The following BTRC variants were observed in gnomAD, a reference collection of about 807,000 sequenced individuals.
BTRC encodes beta-transducin repeat containing E3 ubiquitin protein ligase.
Under a neutral mutation model 85.5 loss-of-function variants are expected in BTRC, and 42 were observed. The ratio of observed to expected loss-of-function variants is 0.49; its 90% CI spans 0.38 to 0.64. The LOEUF (loss-of-function observed/expected upper bound fraction) is 0.64, where lower values mean the gene tolerates loss of function less well. Among genes scored for constraint, BTRC ranks in the 30% least tolerant of loss-of-function variants. The probability of loss-of-function intolerance (pLI) is 0.00; values close to 1 mark genes in which losing one functional copy is unlikely to be tolerated. For missense variants in BTRC, 594 were observed against 743.5 expected (o/e 0.80, Z 2.34); for synonymous variants, 255 against 263.3 (o/e 0.97, Z 0.30).
intron 2 of BTRC, among the ~76,000 whole-genome samples, chr10:101,440,600 T>C (rs1238461882): frequency 1.3e-5 from 2 of 152,080 alleles, no homozygotes; most frequent in East Asian, 3.9e-4. Context: ...TGCCAGTCTG[T>C]GGTCCCAGCT....
intron 1 of BTRC, among the ~76,000 whole-genome samples, chr10:101,366,431 G>T (rs987427894): frequency 3.9e-4 from 59 of 151,998 alleles, no homozygotes; most frequent in Non-Finnish European, 1.5e-4. Flanking sequence ...TTTGTTAAGT[G>T]CTAAAATAGT....
At chr10:101,509,502 C>T (rs1181096798) in intron 4 of BTRC, among the ~76,000 whole-genome samples, 1 of 149,752 alleles carries the variant, frequency 6.7e-6, no homozygotes, top group East Asian at 2.0e-4. Context: ...GATCCGCCCG[C>T]CTCGGCCTCC....
chr10:101,382,022 G>T (rs561907566), intron 1 of BTRC, among the ~76,000 whole-genome samples: 1 of 115,180 alleles, frequency 8.7e-6, no homozygotes, highest in East Asian at 3.0e-4. Context: ...TTGCTCTGTT[G>T]CCTAGGCTGG....
At chr10:101,549,713 C>CCAAAAAAAAAAAA (rs2062618078) in intron 13 of BTRC, among the ~76,000 whole-genome samples, 1 of 42,770 alleles carries the variant, frequency 2.3e-5, no homozygotes, top group Non-Finnish European at 3.6e-5. Flanking sequence ...GACTCTGTCT[C>CCAAAAAAAAAAAA]AAAAAAAAAA....
intron 2 of BTRC, among the ~76,000 whole-genome samples, chr10:101,442,683 A>G (rs11191015): frequency 0.14 from 20,928 of 152,184 alleles, 1,856 homozygotes; most frequent in Non-Finnish European, 0.2. Context: ...TTTGTCCTTC[A>G]GTGACATAAA....
At chr10:101,496,806 T>A (rs1946273537) in intron 4 of BTRC, among the ~76,000 whole-genome samples, 1 of 152,188 alleles carries the variant, frequency 6.6e-6, no homozygotes, top group South Asian at 2.1e-4. Context: ...TTCTTAAAGA[T>A]TTATAAGAGT....
intron 2 of BTRC, among the ~76,000 whole-genome samples, chr10:101,434,338 G>T (rs12261987): frequency 0.29 from 44,331 of 151,936 alleles, 7,562 homozygotes; most frequent in Middle Eastern, 0.46. Context: ...AAATCCATTG[G>T]TCTCAGTTTT....
At chr10:101,541,436 T>C (rs573825471) in intron 13 of BTRC, among the ~76,000 whole-genome samples, 2 of 152,180 alleles carry the variant, frequency 1.3e-5, no homozygotes, top group Non-Finnish European at 2.9e-5. Context: ...ATTTTTTGTA[T>C]TTTTTAGTAG....
intron 3 of BTRC, among the ~76,000 whole-genome samples, chr10:101,469,584 C>T (rs925721259): frequency 2.6e-5 from 4 of 152,128 alleles, no homozygotes; most frequent in African/African-American, 7.2e-5. Context: ...GGACAAACCT[C>T]TGTAAAAAAT....
At chr10:101,546,496 GTAAA>G (rs982565743) in intron 13 of BTRC, among the ~76,000 whole-genome samples, 41 of 152,014 alleles carry the variant, frequency 2.7e-4, no homozygotes, top group African/African-American at 9.9e-4. Flanking sequence ...GTATTTTGAA[GTAAA>G]TAAAAATGAA....
At position 101,538,310 on chromosome 10, in the gene BTRC, A is replaced by G; in HGVS notation, c.1595A>G (p.Asp532Gly). The G allele has an allele frequency of 6.2e-7, 1 of 1,613,994 alleles. No individual in the cohort carries two copies. The highest frequency in any genetic ancestry group is 8.5e-7 in the Non-Finnish European group (1 of 1,179,948). Residue 532 changes from aspartate to glycine, a missense_variant, in exon 13 of 15, where the codon GAT becomes GGT. Physicochemically the swap from Asp to Gly is moderately conservative, Grantham distance 94. Transcript: ENST00000370187. ...ATCTTTAGAAAAATTAAAGTGTGGGATCTTGTGGCTGCTTTGGACCCCCGT... is the reference window on the plus strand; with the variant it reads ...ATCTTTAGAAAAATTAAAGTGTGGGGTCTTGTGGCTGCTTTGGACCCCCGT... ...GAYDGKIKVW[D>G]LVAALDPRAP...
At chr10:101,420,324 C>A (rs1180213819) in intron 1 of BTRC, among the ~76,000 whole-genome samples, 1 of 152,038 alleles carries the variant, frequency 6.6e-6, no homozygotes, top group African/African-American at 2.4e-5. Context: ...TCTCTCGCTC[C>A]ATTTCTCACC....
chr10:101,396,875 T>A (rs1278111498), intron 1 of BTRC, among the ~76,000 whole-genome samples: 2 of 151,564 alleles, frequency 1.3e-5, no homozygotes, highest in Non-Finnish European at 2.9e-5. Flanking sequence ...TGATCTTGGC[T>A]CACCGGAACC....
chr10:101,423,213 C>T (rs1944155661), intron 1 of BTRC, among the ~76,000 whole-genome samples: 1 of 152,036 alleles, frequency 6.6e-6, no homozygotes, highest in Admixed American at 6.6e-5. Context: ...CTTGCCTGAC[C>T]CTCTCTGGGT....
intron 1 of BTRC, among the ~76,000 whole-genome samples, chr10:101,399,093 C>T (rs1943434177): frequency 6.6e-6 from 1 of 152,152 alleles, no homozygotes; most frequent in South Asian, 2.1e-4. Context: ...ACTGGGACTA[C>T]AGGCATGCGC....
intron 1 of BTRC, among the ~76,000 whole-genome samples, chr10:101,383,140 T>A (rs1391783315): frequency 1.3e-5 from 2 of 150,176 alleles, no homozygotes; most frequent in Non-Finnish European, 3.0e-5. Context: ...CACAGCTCAT[T>A]GCAGCCTTGA....
intron 1 of BTRC, among the ~76,000 whole-genome samples, chr10:101,425,626 CTTT>C (rs59643321): frequency 2.9e-5 from 4 of 139,698 alleles, no homozygotes; most frequent in Non-Finnish European, 3.1e-5. Context: ...TTAAAACCTG[CTTT>C]TTTTTTTTTT....
At chr10:101,534,210 G>A (rs926382189) in intron 9 of BTRC, among the ~76,000 whole-genome samples, 1 of 152,054 alleles carries the variant, frequency 6.6e-6, no homozygotes, top group Non-Finnish European at 1.5e-5. Flanking sequence ...CTTGGCCTTT[G>A]ACCTTTATGA....
chr10:101,437,401 C>T (rs1448135404), intron 2 of BTRC, among the ~76,000 whole-genome samples: 1 of 152,172 alleles, frequency 6.6e-6, no homozygotes, highest in Non-Finnish European at 1.5e-5. Context: ...ACTTATCCAT[C>T]CATGTGTGCC....
Sources: gnomAD v4.1 joint callset for allele counts (sites outside exome capture counted in the v4.1 genomes callset) on GRCh38, gnomAD v4.1.1 for gene constraint, MANE v1.5 for transcripts, NCBI Gene and HGNC (gene_info 2026-07-23, HGNC 2026-07-21) for gene names.